CSMD1: variants seen among roughly 807,000 people sequenced by gnomAD.
CSMD1 encodes CUB and sushi domain-containing protein 1.
In CSMD1, 213 loss-of-function variants were observed where a neutral mutation model predicts 417.5. The ratio of observed to expected loss-of-function variants is 0.51; its 90% CI spans 0.46 to 0.57. The LOEUF (loss-of-function observed/expected upper bound fraction) is 0.57. CSMD1 is among the 20% of genes least tolerant of loss of function. CSMD1 has a pLI of 0.00. For synonymous variants in CSMD1, 2,862 were observed against 1,736.8 expected (o/e 1.65, Z -16.11); for missense variants, 6,923 against 4,529.7 (o/e 1.53, Z -15.17).
At chr8:3,173,562 A>G (rs1454451884) in intron 37 of CSMD1, among the ~76,000 whole-genome samples, 1 of 152,232 alleles carries the variant, frequency 6.6e-6, no homozygotes, top group African/African-American at 2.4e-5. Context: ...ATTAATGTAG[A>G]AATAAATGCA....
intron 38 of CSMD1, 79 bp downstream of exon 38, chr8:3,162,080 A>G: frequency 1.1e-6 from 1 of 884,844 alleles, no homozygotes; most frequent in Non-Finnish European, 1.8e-6. Flanking sequence ...ATGGGTACAA[A>G]GTGAGGGCTT....
chr8:4,518,857 A>G (rs1803271168), intron 2 of CSMD1, among the ~76,000 whole-genome samples: 1 of 152,158 alleles, frequency 6.6e-6, no homozygotes, highest in South Asian at 2.1e-4. Context: ...CATGGTCTAA[A>G]TACAGAGCCA....
Position 3,093,594 on chromosome 8 carries a change from G to A in CSMD1, c.7139-1932C>T, listed in dbSNP as rs180905101. ...GAGGCAGGAAAATTGCTTGAACCCA[G>A]GAGGTGGAAGTTGCAGTGAGCTGAG... On this transcript the variant is annotated intron_variant, in intron 47 of 69. Transcript: ENST00000635120. Among the ~76,000 whole-genome samples, 753 of 152,236 alleles carry A rather than the reference G, an allele frequency of 4.9e-3. 8 individuals carry two copies. The highest frequency in any genetic ancestry group is 0.018 in the African/African-American group (728 of 41,518).
At chr8:4,623,777 A>G (rs1044110946) in intron 2 of CSMD1, among the ~76,000 whole-genome samples, 1 of 152,028 alleles carries the variant, frequency 6.6e-6, no homozygotes, top group Admixed American at 6.6e-5. Flanking sequence ...CATATATAAT[A>G]TTTCAAAAAA....
intron 51 of CSMD1, among the ~76,000 whole-genome samples, chr8:3,024,910 C>G (rs1283813544): frequency 6.6e-6 from 1 of 152,238 alleles, no homozygotes; most frequent in Non-Finnish European, 1.5e-5. Context: ...GTTCCCTCCA[C>G]TGCTTTGTGT....
intron 10 of CSMD1, among the ~76,000 whole-genome samples, chr8:3,538,218 T>A (rs916361226): frequency 2.0e-4 from 31 of 152,242 alleles, no homozygotes; most frequent in African/African-American, 7.2e-4. Context: ...CACCATCAGC[T>A]GGAACTGAGT....
At chr8:3,035,272 G>A (rs1810597857) in intron 50 of CSMD1, among the ~76,000 whole-genome samples, 2 of 152,134 alleles carry the variant, frequency 1.3e-5, no homozygotes, top group Admixed American at 1.3e-4. Context: ...TGTTTAAAAA[G>A]CTCTTTTCAC....
chr8:3,239,638 G>C (rs1799367071), intron 26 of CSMD1, among the ~76,000 whole-genome samples: 1 of 152,216 alleles, frequency 6.6e-6, no homozygotes, highest in Admixed American at 6.5e-5. Context: ...ATTTCCTTGA[G>C]GATAGATTTC....
chr8:4,422,276 G>T (rs1419825507), intron 2 of CSMD1, among the ~76,000 whole-genome samples: 1 of 152,014 alleles, frequency 6.6e-6, no homozygotes, highest in Non-Finnish European at 1.5e-5. Flanking sequence ...GAATGCTTTT[G>T]TAGTAATTTT....
intron 10 of CSMD1, among the ~76,000 whole-genome samples, chr8:3,506,807 T>C (rs1000267940): frequency 2.0e-5 from 3 of 152,214 alleles, no homozygotes; most frequent in African/African-American, 7.2e-5. Context: ...CTGGATTTTT[T>C]AAATGCTTTT....
intron 1 of CSMD1, among the ~76,000 whole-genome samples, chr8:4,823,763 G>T (rs567347358): frequency 6.6e-6 from 1 of 151,754 alleles, no homozygotes; most frequent in African/African-American, 2.4e-5. Context: ...CAGTGTGGTG[G>T]TGGTGGCAGT....
chr8:3,894,978 C>A (rs559709719), intron 5 of CSMD1, among the ~76,000 whole-genome samples: 226 of 152,272 alleles, frequency 1.5e-3, no homozygotes, highest in Non-Finnish European at 2.4e-3. Flanking sequence ...AAGAGTCAAT[C>A]ATGAATCTCC....
chr8:4,436,194 C>CT (rs1798140589), intron 2 of CSMD1, among the ~76,000 whole-genome samples: 1 of 152,132 alleles, frequency 6.6e-6, no homozygotes, highest in African/African-American at 2.4e-5. Flanking sequence ...CAGACACTGG[C>CT]TTTAGGCTTC....
intron 37 of CSMD1, among the ~76,000 whole-genome samples, chr8:3,165,452 G>C (rs1368150489): frequency 1.3e-5 from 2 of 151,472 alleles, no homozygotes; most frequent in Non-Finnish European, 2.9e-5. Flanking sequence ...TTATTTTTGA[G>C]ACAGAGTCTC....
At chr8:3,914,706 A>G (rs891387204) in intron 5 of CSMD1, among the ~76,000 whole-genome samples, 4 of 151,960 alleles carry the variant, frequency 2.6e-5, no homozygotes, top group African/African-American at 9.7e-5. Context: ...AGATGTCTTT[A>G]TTTTTTGACT....
chr8:4,609,555 T>G (rs574417329), intron 2 of CSMD1, among the ~76,000 whole-genome samples: 2 of 152,226 alleles, frequency 1.3e-5, no homozygotes, highest in African/African-American at 4.8e-5. Context: ...AAACACTTTA[T>G]GTACAAAAGT....
At chr8:3,290,597 G>A (rs1046382327) in intron 25 of CSMD1, among the ~76,000 whole-genome samples, 5 of 146,722 alleles carry the variant, frequency 3.4e-5, no homozygotes, top group Non-Finnish European at 7.4e-5. Flanking sequence ...ATTGTGAATG[G>A]GAGTTCACTC....
At chr8:3,615,527 G>A (rs545984851) in intron 8 of CSMD1, among the ~76,000 whole-genome samples, 7 of 152,184 alleles carry the variant, frequency 4.6e-5, no homozygotes, top group South Asian at 4.1e-4. Flanking sequence ...TATCCATTCC[G>A]ACACTATTTC....
At chr8:3,078,987 G>A (rs772885617) in intron 49 of CSMD1, among the ~76,000 whole-genome samples, 86 of 152,096 alleles carry the variant, frequency 5.7e-4, no homozygotes, top group Admixed American at 1.1e-3. Context: ...GCACCTTTAT[G>A]CCCATTTGCA....
Sources: gnomAD v4.1 joint callset for allele counts (sites outside exome capture counted in the v4.1 genomes callset) on GRCh38, gnomAD v4.1.1 for gene constraint, MANE v1.5 for transcripts, NCBI Gene and HGNC (gene_info 2026-07-23, HGNC 2026-07-21) for gene names.